PHIP: variants seen among roughly 807,000 people sequenced by gnomAD.
PHIP encodes the protein PHIP subunit of CUL4-Ring ligase complex, also known as PH-interacting protein.
PHIP carries 54 observed loss-of-function variants against 236.8 expected under a neutral mutation model. The ratio of observed to expected loss-of-function variants is 0.23; its 90% CI spans 0.18 to 0.29. The LOEUF is 0.29. PHIP is among the 10% of genes least tolerant of loss of function. PHIP has a pLI of 1.00. For synonymous variants in PHIP, 756 were observed against 718.9 expected (o/e 1.05, Z -0.83); for missense variants, 1,370 against 2,190.8 (o/e 0.63, Z 7.48).
chr6:79,068,333 C>A (rs575121627), intron 4 of PHIP, among the ~76,000 whole-genome samples: 2 of 152,102 alleles, frequency 1.3e-5, no homozygotes, highest in Non-Finnish European at 2.9e-5. Context: ...CGTGGTGGCA[C>A]GTGCCTGTAG....
In PHIP at chr6:78,940,118, CT is replaced by C. The variant is rs1773413241; in HGVS notation, c.*574del. 1 of 152,248 alleles carries C rather than the reference CT, an allele frequency of 6.6e-6. No homozygotes were observed. The highest frequency in any genetic ancestry group is 1.5e-5 in the Non-Finnish European group (1 of 67,926). 9.4% of individuals were successfully genotyped at this position (152,248 alleles called of 1,614,324 possible). A position where few individuals can be genotyped will look rare whatever the true frequency, so the allele number is the denominator to read the frequency against. On this transcript the variant is annotated 3_prime_UTR_variant, in exon 40 of 40. Transcript: ENST00000275034. ...ATAAAGCAAAAGCCTCCTCTAGATACTTTGTAGATGAACATTCTATAATTAA... is the reference window on the plus strand; with the variant it reads ...ATAAAGCAAAAGCCTCCTCTAGATACTTGTAGATGAACATTCTATAATTAA...
chr6:78,953,457 G>T (rs1766194780), intron 35 of PHIP, among the ~76,000 whole-genome samples: 1 of 152,170 alleles, frequency 6.6e-6, no homozygotes, highest in South Asian at 2.1e-4. Flanking sequence ...TTTTTCAAAA[G>T]AATACATAGC....
intron 4 of PHIP, among the ~76,000 whole-genome samples, chr6:79,061,327 G>C (rs1044859372): frequency 6.6e-6 from 1 of 152,086 alleles, no homozygotes; most frequent in Non-Finnish European, 1.5e-5. Context: ...GTAGTATCTA[G>C]TTCAGCTATT....
chr6:79,074,763 T>G (rs1216225808), intron 4 of PHIP, among the ~76,000 whole-genome samples: 1 of 152,118 alleles, frequency 6.6e-6, no homozygotes, highest in African/African-American at 2.4e-5. Flanking sequence ...CTGCAAACTT[T>G]TAAAACTGCT....
At chr6:79,076,828 G>C (rs1209448970) in intron 4 of PHIP, among the ~76,000 whole-genome samples, 1 of 152,010 alleles carries the variant, frequency 6.6e-6, no homozygotes, top group Non-Finnish European at 1.5e-5. Flanking sequence ...TTTAGTAAAT[G>C]CAAGACGAAG....
intron 6 of PHIP, among the ~76,000 whole-genome samples, chr6:79,048,288 A>T (rs1246397968): frequency 1.3e-5 from 2 of 152,094 alleles, no homozygotes; most frequent in African/African-American, 4.8e-5. Context: ...TTTTCAATGC[A>T]GATGATTTTT....
At chr6:78,955,035 CTTAGA>C in intron 34 of PHIP, 72 bp from the exon 35 acceptor site, 1 of 1,067,510 alleles carries the variant, frequency 9.4e-7, no homozygotes, top group Non-Finnish European at 1.3e-6. Flanking sequence ...TTAATGTAGT[CTTAGA>C]TAATTGGGTA....
intron 22 of PHIP, among the ~76,000 whole-genome samples, chr6:78,983,667 G>A (rs1768685829): frequency 6.6e-6 from 1 of 152,108 alleles, no homozygotes; most frequent in African/African-American, 2.4e-5. Flanking sequence ...GAAAGACTGT[G>A]TTTGCAAACT....
intron 24 of PHIP, among the ~76,000 whole-genome samples, chr6:78,978,005 A>C (rs550627288): frequency 1.6e-3 from 243 of 152,280 alleles, no homozygotes; most frequent in African/African-American, 5.5e-3. Flanking sequence ...ATTTGTGTAC[A>C]AAACAAGGAG....
At chr6:78,992,094 C>T (rs1582183275) in intron 19 of PHIP, among the ~76,000 whole-genome samples, 2 of 151,464 alleles carry the variant, frequency 1.3e-5, no homozygotes, top group African/African-American at 2.4e-5. Context: ...TCCCGAGTAG[C>T]TGGGACTACA....
rs755064751 is a variant in PHIP at position 78,940,911 on chromosome 6, T to A, written c.5248A>T (p.Ile1750Leu). The A allele has an allele frequency of 1.2e-6, 2 of 1,613,642 alleles. No homozygotes were observed. The highest frequency in any genetic ancestry group is 2.7e-5 in the African/African-American group (2 of 74,894). The change falls in exon 40 of 40, where the codon ATA (isoleucine) becomes TTA (leucine). Residue 1750 changes from isoleucine to leucine, a missense_variant. Ile to Leu is a conservative substitution (Grantham distance 5). Coordinates refer to ENST00000275034, the MANE Select transcript of PHIP (RefSeq NM_017934.7). ...RSNRKKIDDPIDEEEEFEELK... is the reference protein window; with the variant it reads ...RSNRKKIDDPLDEEEEFEELK... ...TCTTCAAACTCTTCTTCCTCATCTA[T>A]AGGATCATCTATCTTTTTTCGGTTA... is the stretch of plus-strand genomic sequence containing the variant.
intron 4 of PHIP, among the ~76,000 whole-genome samples, chr6:79,065,966 A>C (rs377506045): frequency 6.6e-6 from 1 of 152,184 alleles, no homozygotes; most frequent in Non-Finnish European, 1.5e-5. Context: ...TAAGAACCCC[A>C]TATCTTTAAT....
intron 15 of PHIP, among the ~76,000 whole-genome samples, chr6:79,005,566 A>T (rs1160493345): frequency 6.6e-6 from 1 of 152,026 alleles, no homozygotes; most frequent in African/African-American, 2.4e-5. Context: ...TGTGTTGTTA[A>T]ATGATTTTTT....
intron 23 of PHIP, among the ~76,000 whole-genome samples, chr6:78,980,634 C>T (rs1768457600): frequency 6.6e-6 from 1 of 151,840 alleles, no homozygotes. Flanking sequence ...GATATCCAAA[C>T]AGTAATTTGA....
At chr6:78,961,863 CAAG>C in intron 30 of PHIP, 53 bp from the exon 31 acceptor site, 9 of 1,399,120 alleles carry the variant, frequency 6.4e-6, no homozygotes, top group African/African-American at 1.5e-5. Context: ...TAAAATAATT[CAAG>C]AAGAATTCTG....
intron 23 of PHIP, among the ~76,000 whole-genome samples, chr6:78,979,036 C>G (rs183109252): frequency 6.6e-6 from 1 of 152,100 alleles, no homozygotes; most frequent in East Asian, 1.9e-4. Context: ...CTAGAAATGA[C>G]TTAAAGTATA....
At chr6:78,961,462 T>G (rs1766772778) in intron 31 of PHIP, among the ~76,000 whole-genome samples, 1 of 152,114 alleles carries the variant, frequency 6.6e-6, no homozygotes, top group Admixed American at 6.6e-5. Flanking sequence ...AATTGTATTT[T>G]AAGTGTCTAA....
chr6:78,994,938 ATAG>A (rs1441258267), intron 19 of PHIP, among the ~76,000 whole-genome samples: 1 of 152,244 alleles, frequency 6.6e-6, no homozygotes, highest in Non-Finnish European at 1.5e-5. Context: ...AGATTATAGA[ATAG>A]TATAACCTTA....
intron 4 of PHIP, among the ~76,000 whole-genome samples, chr6:79,063,395 T>C (rs1773473626): frequency 6.6e-6 from 1 of 152,210 alleles, no homozygotes; most frequent in African/African-American, 2.4e-5. Flanking sequence ...CATGGTATAA[T>C]TCTTTATTCT....
Sources: gnomAD v4.1 joint callset for allele counts (sites outside exome capture counted in the v4.1 genomes callset) on GRCh38, gnomAD v4.1.1 for gene constraint, MANE v1.5 for transcripts, NCBI Gene and HGNC (gene_info 2026-07-23, HGNC 2026-07-21) for gene names.